Variants in ITIH2 observed in about 807,000 individuals in gnomAD.
ITIH2 encodes the protein inter-alpha-trypsin inhibitor heavy chain H2.
ITIH2 carries 103 observed loss-of-function variants against 104.4 expected under a neutral mutation model. That is an observed-to-expected ratio of 0.99 (90% CI 0.84 to 1.16). ITIH2 has a LOEUF of 1.16. Among genes scored for constraint, ITIH2 ranks in the 50% most tolerant of loss-of-function variants. ITIH2 has a pLI of 0.00. For missense variants in ITIH2, 1,108 were observed against 1,162.4 expected (o/e 0.95, Z 0.68); for synonymous variants, 436 against 435.4 (o/e 1.00, Z -0.02).
At chr10:7,729,754 G>T (rs1247624078) in intron 11 of ITIH2, 198 bp from the exon 12 acceptor site, 2 of 461,324 alleles carry the variant, frequency 4.3e-6, no homozygotes, top group Non-Finnish European at 3.8e-6. Context: ...AAATAATGTT[G>T]CTATGCAACA....
At chr10:7,738,840 C>A in intron 16 of ITIH2, 82 bp downstream of exon 16, 1 of 1,405,398 alleles carries the variant, frequency 7.1e-7, no homozygotes, top group Non-Finnish European at 9.5e-7. Flanking sequence ...AGGCCAGGTG[C>A]AGCGGCTCAC....
chr10:7,713,353 A>C, intron 5 of ITIH2, 68 bp downstream of exon 5: 1 of 1,252,426 alleles, frequency 8.0e-7, no homozygotes, highest in Non-Finnish European at 1.2e-6. Context: ...CTTCCTTCCC[A>C]CAGCAGCAAA....
At chr10:7,743,708 G>A (rs746981403) in intron 17 of ITIH2, among the ~76,000 whole-genome samples, 15 of 152,196 alleles carry the variant, frequency 9.9e-5, no homozygotes, top group Middle Eastern at 3.4e-3. Context: ...TTGAACCCGG[G>A]AGGTGGAGGT....
At chr10:7,704,505 A>C (rs1834726498) in intron 1 of ITIH2, among the ~76,000 whole-genome samples, 1 of 152,186 alleles carries the variant, frequency 6.6e-6, no homozygotes, top group African/African-American at 2.4e-5. Flanking sequence ...CAGACACTGC[A>C]AATGCCTCCA....
chr10:7,746,719 T>C lies in ITIH2; in HGVS notation c.2693+15T>C, dbSNP rs1835181591. The C allele has an allele frequency of 6.5e-7, 1 of 1,543,040 alleles. No individual in the cohort carries two copies. The highest frequency in any genetic ancestry group is 9.0e-7 in the Non-Finnish European group (1 of 1,116,350). Reference sequence around the variant, plus strand: ...ATCATCACCAGGTAGGCCTCGGGCGTAAGGACAGTGACGAAAAGGCCTTGT... The same window carrying C: ...ATCATCACCAGGTAGGCCTCGGGCGCAAGGACAGTGACGAAAAGGCCTTGT... On this transcript the variant is annotated intron_variant, in intron 20 of 20. Coordinates refer to ENST00000358415, the MANE Select transcript of ITIH2 (RefSeq NM_002216.3).
At chr10:7,724,379 T>G (rs1222102320) in intron 9 of ITIH2, among the ~76,000 whole-genome samples, 1 of 151,952 alleles carries the variant, frequency 6.6e-6, no homozygotes, top group Non-Finnish European at 1.5e-5. Flanking sequence ...GAGACCAGCC[T>G]GACCAACATG....
chr10:7,725,729 C>T (rs1834945470), intron 9 of ITIH2, among the ~76,000 whole-genome samples: 2 of 152,140 alleles, frequency 1.3e-5, no homozygotes, highest in South Asian at 4.1e-4. Context: ...CCACGTTGGC[C>T]ATGGAAGCGT....
chr10:7,745,032 T>G, intron 19 of ITIH2, 69 bp downstream of exon 19: 1 of 1,396,168 alleles, frequency 7.2e-7, no homozygotes, highest in African/African-American at 1.4e-5. Context: ...TGGTTGACAG[T>G]GGTTACAAGT....
intron 3 of ITIH2, among the ~76,000 whole-genome samples, chr10:7,708,125 C>T (rs1834764283): frequency 6.6e-6 from 1 of 152,166 alleles, no homozygotes; most frequent in Admixed American, 6.5e-5. Flanking sequence ...AGGTGAGTTG[C>T]ATGGTTAATT....
At chr10:7,731,704 A>G in intron 12 of ITIH2, 107 bp from the exon 13 acceptor site, 1 of 818,234 alleles carries the variant, frequency 1.2e-6, no homozygotes, top group Non-Finnish European at 1.8e-6. Flanking sequence ...CAGCCTGGGC[A>G]ACAGAGTGAG....
At chr10:7,732,132 C>A in intron 13 of ITIH2, 136 bp downstream of exon 13, 1 of 863,166 alleles carries the variant, frequency 1.2e-6, no homozygotes, top group Admixed American at 2.5e-5. Flanking sequence ...ATGAGAATAT[C>A]TCTGCCATCT....
chr10:7,749,293 T>C lies in ITIH2; in HGVS notation c.2800T>C (p.Tyr934His). The change falls in exon 21 of 21, where the codon TAC (tyrosine) becomes CAC (histidine). Residue 934 changes from tyrosine to histidine, a missense_variant. Physicochemically the swap from Tyr to His is moderately conservative, Grantham distance 83. Transcript: ENST00000358415. ...ATTCATTGACGGGCATTACAAGGAT[T>C]ACTTCGTGCCTCAGCTCTACAGCTT... Reference protein sequence around the residue: ...KGFIDGHYKDYFVPQLYSFLK... With the variant: ...KGFIDGHYKDHFVPQLYSFLK... The C allele has an allele frequency of 6.2e-7, 1 of 1,614,222 alleles. No homozygotes were observed. The highest frequency in any genetic ancestry group is 2.2e-5 in the East Asian group (1 of 44,890).
intron 4 of ITIH2, among the ~76,000 whole-genome samples, chr10:7,709,988 G>A (rs1834781636): frequency 6.6e-6 from 1 of 152,084 alleles, no homozygotes; most frequent in South Asian, 2.1e-4. Flanking sequence ...TGAGTAGCTG[G>A]GACTACAGGC....
rs1007364811 is a variant in ITIH2, at chr10:7,703,331, G to T, written c.-104G>T. ...CTTCTTTTTTCTTCTTTCTTAAAGC[G>T]AACTGTACTCCTCTGCTGTTCCTTT... On this transcript the variant is annotated 5_prime_UTR_variant, in exon 1 of 21. Transcript: ENST00000358415. 4.1e-6 allele frequency: 3 copies of T among 733,984 alleles called. No individual in the cohort carries two copies. Among genetic ancestry groups the T allele is most frequent in the South Asian group, 1.7e-5 (1 of 60,344 alleles). The allele number at this position is 733,984 out of a possible 1,614,324, so 45.5% of individuals were successfully genotyped here.
intron 6 of ITIH2, among the ~76,000 whole-genome samples, chr10:7,718,244 G>A (rs1379507950): frequency 1.3e-5 from 2 of 151,986 alleles, no homozygotes; most frequent in African/African-American, 2.4e-5. Flanking sequence ...CTCCTCCTCC[G>A]AGCATCTTAA....
chr10:7,725,747 A>C (rs1357420427), intron 9 of ITIH2, among the ~76,000 whole-genome samples: 3 of 152,224 alleles, frequency 2.0e-5, no homozygotes, highest in Non-Finnish European at 4.4e-5. Flanking sequence ...CGTGGTGTTC[A>C]AAAGTGAGAT....
At chr10:7,744,010 T>A (rs1835151531) in intron 17 of ITIH2, 72 bp from the exon 18 acceptor site, 6 of 1,093,902 alleles carry the variant, frequency 5.5e-6, no homozygotes, top group Non-Finnish European at 7.7e-6. Flanking sequence ...TTTTATAAAT[T>A]TGAATTATAG....
intron 6 of ITIH2, 57 bp from the exon 7 acceptor site, chr10:7,720,799 C>G: frequency 9.0e-7 from 1 of 1,112,066 alleles, no homozygotes; most frequent in Non-Finnish European, 1.4e-6. Context: ...TTACTTCTTG[C>G]TTAAAAAGAC....
chr10:7,732,963 G>A (rs141068021), intron 14 of ITIH2, among the ~76,000 whole-genome samples: 2 of 152,040 alleles, frequency 1.3e-5, no homozygotes, highest in Non-Finnish European at 2.9e-5. Flanking sequence ...TCCTGACCTC[G>A]TGATCCACCC....
Sources: gnomAD v4.1 joint callset for allele counts (sites outside exome capture counted in the v4.1 genomes callset) on GRCh38, gnomAD v4.1.1 for gene constraint, MANE v1.5 for transcripts, NCBI Gene and HGNC (gene_info 2026-07-23, HGNC 2026-07-21) for gene names.